PINX1: variants seen among roughly 807,000 people sequenced by gnomAD.
PINX1 encodes the protein PIN2 (TERF1) interacting telomerase inhibitor 1.
A neutral mutation model predicts 25.4 loss-of-function variants in PINX1; 34 were observed. The ratio of observed to expected loss-of-function variants is 1.34; its 90% CI spans 1.02 to 1.78. The LOEUF is 1.78. Ranked by LOEUF, PINX1 falls within the 40% of genes most tolerant of loss-of-function variation. PINX1 has a pLI of 0.00. For missense variants in PINX1, 592 were observed against 404.9 expected (o/e 1.46, Z -3.97); for synonymous variants, 197 against 147.7 (o/e 1.33, Z -2.42).
At chr8:10,776,466 C>T (rs1306421695) in intron 6 of PINX1, among the ~76,000 whole-genome samples, 3 of 142,724 alleles carry the variant, frequency 2.1e-5, no homozygotes, top group African/African-American at 8.3e-5. Flanking sequence ...AACAAACAAA[C>T]AAATAAAAAT....
At chr8:10,768,574 A>C (rs1166586436) in intron 6 of PINX1, among the ~76,000 whole-genome samples, 1 of 152,206 alleles carries the variant, frequency 6.6e-6, no homozygotes, top group African/African-American at 2.4e-5. Flanking sequence ...CCAGCACCCA[A>C]GTCCTACTTC....
intron 6 of PINX1, among the ~76,000 whole-genome samples, chr8:10,819,658 C>G (rs371902434): frequency 2.0e-5 from 3 of 152,312 alleles, no homozygotes; most frequent in African/African-American, 4.8e-5. Flanking sequence ...TCACCCCATT[C>G]TTTTCTTCTA....
intron 6 of PINX1, among the ~76,000 whole-genome samples, chr8:10,799,049 T>C (rs1249399516): frequency 1.3e-5 from 2 of 152,346 alleles, no homozygotes; most frequent in East Asian, 3.9e-4. Flanking sequence ...GAACCCTTCC[T>C]ACTTTCTTGG....
At position 10,798,109 on chromosome 8, in the gene PINX1, CAT is replaced by C. The variant is rs796528648; in HGVS notation, c.471+22082_471+22083del. Among the ~76,000 whole-genome samples, 141 of 152,354 alleles carry C rather than the reference CAT, an allele frequency of 9.3e-4. 2 individuals carry two copies. The highest frequency in any genetic ancestry group is 2.5e-3 in the African/African-American group (104 of 41,576). On this transcript the variant is annotated intron_variant, in intron 6 of 6. Transcript: ENST00000314787. ...ATCCTGGAACTGCCCCATCCACACACATGTTTCTGGGATGTTTGTAGGACACG... is the reference window on the plus strand; with the variant it reads ...ATCCTGGAACTGCCCCATCCACACACGTTTCTGGGATGTTTGTAGGACACG...
rs374255157 is a variant in PINX1 at position 10,831,688 on chromosome 8, G to C, written c.278C>G (p.Thr93Ser). 1 of 1,603,402 alleles carries C rather than the reference G, an allele frequency of 6.2e-7. No individual in the cohort carries two copies. The highest frequency in any genetic ancestry group is 8.5e-7 in the Non-Finnish European group (1 of 1,173,454). ...DFNQLLAELNTCHGQETTDSS... is the reference protein window; with the variant it reads ...DFNQLLAELNSCHGQETTDSS... ...ACCTGTGGTTTCCTGCCCATGGCAA[G>C]TGTTCAGTTCGGCCAGAAGCTGGTT... The change falls in exon 4 of 7, where the codon ACT (threonine) becomes AGT (serine). Residue 93 changes from threonine to serine, a missense_variant. Coordinates refer to ENST00000314787, the MANE Select transcript of PINX1 (RefSeq NM_017884.6).
chr8:10,788,593 G>A (rs1389560077), intron 6 of PINX1, among the ~76,000 whole-genome samples: 1 of 151,968 alleles, frequency 6.6e-6, no homozygotes, highest in Non-Finnish European at 1.5e-5. Context: ...AAAAGTGAAT[G>A]TATATCTATT....
intron 5 of PINX1, chr8:10,825,475 T>G (rs529568342): frequency 1.5e-5 from 8 of 534,382 alleles, no homozygotes; most frequent in Admixed American, 5.8e-5. Flanking sequence ...GTTGGTTCTA[T>G]TAGGTTAAAT....
chr8:10,787,981 G>A (rs1801804782), intron 6 of PINX1, among the ~76,000 whole-genome samples: 2 of 152,226 alleles, frequency 1.3e-5, no homozygotes, highest in Non-Finnish European at 2.9e-5. Flanking sequence ...AACATTGACT[G>A]GATTTGATGA....
intron 1 of PINX1, among the ~76,000 whole-genome samples, chr8:10,836,363 C>T (rs759275473): frequency 5.3e-5 from 8 of 152,174 alleles, no homozygotes; most frequent in African/African-American, 7.2e-5. Context: ...CATAACACTG[C>T]GTCTGCTAAT....
intron 6 of PINX1, among the ~76,000 whole-genome samples, chr8:10,816,128 A>T (rs550168422): frequency 6.6e-6 from 1 of 152,318 alleles, no homozygotes; most frequent in East Asian, 1.9e-4. Flanking sequence ...GTAATGAAAT[A>T]GTTCAGGATC....
chr8:10,786,593 G>A (rs1014348090), intron 6 of PINX1, among the ~76,000 whole-genome samples: 2 of 152,210 alleles, frequency 1.3e-5, no homozygotes, highest in African/African-American at 2.4e-5. Flanking sequence ...ACCCCACAGG[G>A]TTGGACCCTG....
intron 6 of PINX1, among the ~76,000 whole-genome samples, chr8:10,784,095 C>T (rs1338993010): frequency 6.6e-6 from 1 of 152,112 alleles, no homozygotes; most frequent in Non-Finnish European, 1.5e-5. Context: ...ATGATTAATC[C>T]AATTTAGAGT....
rs114117016 is a variant in PINX1 at position 10,810,068 on chromosome 8, C to T, written c.471+10125G>A. Among the ~76,000 whole-genome samples, 109 of 152,254 alleles carry T rather than the reference C, an allele frequency of 7.2e-4. 1 individual carries two copies. The highest frequency in any genetic ancestry group is 2.5e-3 in the African/African-American group (103 of 41,554). Reference sequence around the variant, plus strand: ...GCCAGGCTCTTAAACAACCAGGTCTCGTGTGAACTCAGAGTGAGAACTCAT... The same window carrying T: ...GCCAGGCTCTTAAACAACCAGGTCTTGTGTGAACTCAGAGTGAGAACTCAT... On this transcript the variant is annotated intron_variant, in intron 6 of 6. Transcript: ENST00000314787.
intron 6 of PINX1, among the ~76,000 whole-genome samples, chr8:10,815,447 CA>C (rs1339577757): frequency 4.6e-5 from 7 of 152,190 alleles, no homozygotes; most frequent in Admixed American, 2.0e-4. Context: ...CTACACAACA[CA>C]AAGTTCATTC....
At chr8:10,837,650 G>A (rs926333193) in intron 1 of PINX1, among the ~76,000 whole-genome samples, 5 of 152,174 alleles carry the variant, frequency 3.3e-5, no homozygotes, top group African/African-American at 1.2e-4. Flanking sequence ...ACTCCTATGT[G>A]GAGATCTAAC....
chr8:10,795,595 T>C (rs970008417), intron 6 of PINX1, among the ~76,000 whole-genome samples: 1 of 152,172 alleles, frequency 6.6e-6, no homozygotes, highest in Non-Finnish European at 1.5e-5. Context: ...AAGATGGGGT[T>C]TCACCATGTT....
intron 6 of PINX1, among the ~76,000 whole-genome samples, chr8:10,813,888 G>T (rs567645920): frequency 6.7e-6 from 1 of 149,492 alleles, no homozygotes; most frequent in Non-Finnish European, 1.5e-5. Context: ...CTGGGAAGGT[G>T]GGGGAGGGAA....
chr8:10,813,236 G>A (rs975221693), intron 6 of PINX1, among the ~76,000 whole-genome samples: 5 of 152,110 alleles, frequency 3.3e-5, no homozygotes, highest in African/African-American at 4.8e-5. Flanking sequence ...GTGGGGGGAG[G>A]GTAGAGCGAT....
chr8:10,819,854 A>T (rs1797811025), intron 6 of PINX1, among the ~76,000 whole-genome samples: 1 of 152,086 alleles, frequency 6.6e-6, no homozygotes, highest in South Asian at 2.1e-4. Context: ...GAACAGACAA[A>T]ATCCCTCCCC....
Sources: allele counts gnomAD v4.1 joint callset (sites outside exome capture counted in the v4.1 genomes callset), GRCh38; gene constraint gnomAD v4.1.1; transcripts MANE v1.5; gene names NCBI Gene and HGNC (gene_info 2026-07-23, HGNC 2026-07-21).